NXPE4: variants seen among roughly 807,000 people sequenced by gnomAD.
NXPE4 encodes the protein NXPE family member 4.
In NXPE4, 42 loss-of-function variants were observed where a neutral mutation model predicts 33.3. That is an observed-to-expected ratio of 1.26 (90% CI 0.98 to 1.63). The LOEUF (loss-of-function observed/expected upper bound fraction) is 1.63. NXPE4 is among the 40% of genes most tolerant of loss of function. The probability of loss-of-function intolerance (pLI) is 0.00; values close to 1 mark genes in which losing one functional copy is unlikely to be tolerated. For synonymous variants in NXPE4, 253 were observed against 234.9 expected (o/e 1.08, Z -0.71); for missense variants, 709 against 647.6 (o/e 1.09, Z -1.03).
At chr11:114,675,916 A>C in the NXPE4 span, among the ~76,000 whole-genome samples, 2 of 151,958 alleles carry the variant, frequency 1.3e-5, no homozygotes, top group Non-Finnish European at 2.9e-5. Flanking sequence ...GAAGAATGGA[A>C]CCAAATAGAG....
At chr11:114,580,385 C>CAAATAATACATA (rs1306492004) in intron 4 of NXPE4, 47 bp from the exon 5 acceptor site, 4 of 1,536,154 alleles carry the variant, frequency 2.6e-6, no homozygotes, top group Admixed American at 3.3e-5. Flanking sequence ...ATCAAATTAC[C>CAAATAATACATA]CGTCAGTATG....
At chr11:114,576,152 A>T (rs1276103392) in intron 5 of NXPE4, among the ~76,000 whole-genome samples, 1 of 152,148 alleles carries the variant, frequency 6.6e-6, no homozygotes, top group Non-Finnish European at 1.5e-5. Flanking sequence ...AGCCACATAT[A>T]AAAGAATGAA....
chr11:114,618,787 C>T, the NXPE4 span, among the ~76,000 whole-genome samples: 1 of 151,958 alleles, frequency 6.6e-6, no homozygotes, highest in Non-Finnish European at 1.5e-5. Flanking sequence ...AAAGTGTTGC[C>T]TCGTGGGAAA....
At chr11:114,667,301 T>C in the NXPE4 span, among the ~76,000 whole-genome samples, 1 of 152,188 alleles carries the variant, frequency 6.6e-6, no homozygotes, top group African/African-American at 2.4e-5. Context: ...TAAAAAATGT[T>C]TTTAATAAAC....
chr11:114,647,700 ATTTTAT>A, the NXPE4 span, among the ~76,000 whole-genome samples: 1 of 144,228 alleles, frequency 6.9e-6, no homozygotes, highest in South Asian at 2.3e-4. Flanking sequence ...GACTTATTTT[ATTTTAT>A]TTTTTTTTTT....
the NXPE4 span, among the ~76,000 whole-genome samples, chr11:114,670,473 C>T: frequency 1.3e-5 from 2 of 151,892 alleles, no homozygotes; most frequent in Non-Finnish European, 2.9e-5. Context: ...GTGGTAGGAT[C>T]CCTTGAGGCT....
At chr11:114,639,462 G>A in the NXPE4 span, among the ~76,000 whole-genome samples, 2 of 151,556 alleles carry the variant, frequency 1.3e-5, no homozygotes, top group Admixed American at 6.6e-5. Context: ...CATGCACGCT[G>A]CGCTGCCCCC....
At chr11:114,577,279 C>T (rs749128447) in intron 5 of NXPE4, among the ~76,000 whole-genome samples, 23 of 151,196 alleles carry the variant, frequency 1.5e-4, no homozygotes, top group Non-Finnish European at 2.8e-4. Context: ...GGCTATTATT[C>T]TAAGTGAAGT....
At chr11:114,636,976 G>A in the NXPE4 span, among the ~76,000 whole-genome samples, 4 of 152,136 alleles carry the variant, frequency 2.6e-5, no homozygotes, top group South Asian at 8.3e-4. Flanking sequence ...ATGTCTATTA[G>A]GTCCACTTGG....
chr11:114,602,413 A>G, the NXPE4 span, among the ~76,000 whole-genome samples: 1 of 132,454 alleles, frequency 7.5e-6, no homozygotes. Flanking sequence ...TACACTATTG[A>G]ACATATCAAT....
intron 2 of NXPE4, among the ~76,000 whole-genome samples, chr11:114,588,423 A>G (rs772007546): frequency 5.9e-5 from 9 of 152,196 alleles, no homozygotes; most frequent in Non-Finnish European, 1.3e-4. Flanking sequence ...CTAACCTCTC[A>G]TGGAGGGATG....
At chr11:114,590,445 G>A (rs1949424262) in intron 2 of NXPE4, among the ~76,000 whole-genome samples, 1 of 152,126 alleles carries the variant, frequency 6.6e-6, no homozygotes, top group Non-Finnish European at 1.5e-5. Flanking sequence ...GGATTTTGCA[G>A]GCTATGGATA....
chr11:114,607,494 G>A, the NXPE4 span, among the ~76,000 whole-genome samples: 8 of 151,372 alleles, frequency 5.3e-5, no homozygotes, highest in Admixed American at 3.9e-4. Flanking sequence ...CACCATTACC[G>A]GCTGGATACT....
chr11:114,676,087 A>T, the NXPE4 span, among the ~76,000 whole-genome samples: 1 of 152,038 alleles, frequency 6.6e-6, no homozygotes, highest in East Asian at 1.9e-4. Flanking sequence ...CACAACATAT[A>T]AAAAAAATCC....
chr11:114,608,315 C>T, the NXPE4 span, among the ~76,000 whole-genome samples: 9 of 151,678 alleles, frequency 5.9e-5, no homozygotes, highest in Non-Finnish European at 1.0e-4. Flanking sequence ...TCATGGGTAA[C>T]CAGTGTTACT....
chr11:114,662,176 C>T, the NXPE4 span, among the ~76,000 whole-genome samples: 3 of 152,160 alleles, frequency 2.0e-5, no homozygotes, highest in Non-Finnish European at 2.9e-5. Context: ...CACAACCCCA[C>T]CATCAACCCC....
chr11:114,646,800 T>C, the NXPE4 span, among the ~76,000 whole-genome samples: 1 of 152,198 alleles, frequency 6.6e-6, no homozygotes, highest in Non-Finnish European at 1.5e-5. Flanking sequence ...GTATACACTT[T>C]AGGCTTAAGA....
At chr11:114,609,182 C>A in the NXPE4 span, among the ~76,000 whole-genome samples, 4 of 151,504 alleles carry the variant, frequency 2.6e-5, no homozygotes, top group African/African-American at 9.7e-5. Context: ...ATAAATATTG[C>A]CTCATGGGTA....
rs765390878 is a variant in NXPE4 at position 114,582,311 on chromosome 11, T to C, written c.807A>G (p.Lys269=). Residue 269 remains lysine, a synonymous_variant, in exon 3 of 6, where the codon AAA becomes AAG. Transcript: ENST00000375478. ...ACCTTTCAAAGAGGCTCTTTTCTTG[T>C]TTGCTAAGATAAGAAACTTTCTTGT... The part of the protein sequence containing the change: ...SKNKKVSYLS[K]QEKSLFERSN... 4.0e-5 allele frequency: 63 copies of C among 1,582,212 alleles called. No homozygotes were observed. The highest frequency in any genetic ancestry group is 5.4e-5 in the Non-Finnish European group (63 of 1,165,726).
Sources: gnomAD v4.1 joint callset for allele counts (sites outside exome capture counted in the v4.1 genomes callset) on GRCh38, gnomAD v4.1.1 for gene constraint, MANE v1.5 for transcripts, NCBI Gene and HGNC (gene_info 2026-07-23, HGNC 2026-07-21) for gene names.